Variants in WWTR1 observed in about 807,000 individuals in gnomAD.
The protein encoded by WWTR1 is WW domain-containing transcription regulator protein 1.
WWTR1 carries 13 observed loss-of-function variants against 40.1 expected under a neutral mutation model. The observed-to-expected ratio is 0.32, with a 90% confidence interval of 0.21 to 0.52. The LOEUF is 0.52. WWTR1 is among the 20% of genes least tolerant of loss of function. The probability of loss-of-function intolerance (pLI) is 0.97; values close to 1 mark genes in which losing one functional copy is unlikely to be tolerated. For missense variants in WWTR1, 436 were observed against 523.1 expected, an observed-to-expected ratio of 0.83 and a Z score of 1.63; for synonymous variants, 230 against 210.1, an observed-to-expected ratio of 1.09 and a Z score of -0.82.
intron 2 of WWTR1, among the ~76,000 whole-genome samples, chr3:149,644,538 A>G (rs1158501302): frequency 6.6e-6 from 1 of 152,140 alleles, no homozygotes; most frequent in Non-Finnish European, 1.5e-5. Flanking sequence ...GGTTACCCCG[A>G]TAAGGCTTTT....
In WWTR1 at chr3:149,709,213, A is replaced by G. The variant is rs560128506; in HGVS notation, n.585-5885T>C. Among the ~76,000 whole-genome samples, 24 of 150,764 alleles carry G rather than the reference A, an allele frequency of 1.6e-4. No homozygotes were observed. In the South Asian group the frequency reaches 3.2e-3, roughly 20 times the overall value. On this transcript the variant is annotated intron_variant and non_coding_transcript_variant, in intron 5 of 6. Coordinates refer to the WWTR1 transcript ENST00000474080. ...TGGCCTCAAATTCCTGGGCTCAAGC[A>G]GTCTGCCTGCCTCGACTTCCCAAAG...
chr3:149,680,554 A>T (rs1714424438), intron 1 of WWTR1, among the ~76,000 whole-genome samples: 1 of 128,354 alleles, frequency 7.8e-6, no homozygotes, highest in South Asian at 2.4e-4. Flanking sequence ...AAAAAAAACC[A>T]ACCAACCAAA....
intron 2 of WWTR1, among the ~76,000 whole-genome samples, chr3:149,583,755 C>T (rs1475592107): frequency 6.6e-6 from 1 of 152,142 alleles, no homozygotes; most frequent in African/African-American, 2.4e-5. Flanking sequence ...AACATGCATA[C>T]GGTGATGAGT....
At chr3:149,619,898 T>C (rs993115118) in intron 2 of WWTR1, among the ~76,000 whole-genome samples, 1 of 152,116 alleles carries the variant, frequency 6.6e-6, no homozygotes, top group Non-Finnish European at 1.5e-5. Flanking sequence ...TCTCAGGATC[T>C]CACAGATCGA....
rs545402322 is a variant in WWTR1, at chr3:149,579,817, T to C, written c.432-6817A>G. Among the ~76,000 whole-genome samples the C allele has an allele frequency of 2.6e-5, 4 of 152,360 alleles. No individual in the cohort carries two copies. In the East Asian group the frequency reaches 7.7e-4, roughly 29 times the overall value. On this transcript the variant is annotated intron_variant, in intron 2 of 6. Transcript: ENST00000360632. Reference sequence around the variant, plus strand: ...AACAAATGTACATACTGAAGACAATTAGCTTAAAATTTGCTAAATGAAACA... The same window carrying C: ...AACAAATGTACATACTGAAGACAATCAGCTTAAAATTTGCTAAATGAAACA...
chr3:149,692,059 C>T (rs545705700), intron 1 of WWTR1, among the ~76,000 whole-genome samples: 1 of 151,912 alleles, frequency 6.6e-6, no homozygotes, highest in East Asian at 1.9e-4. Flanking sequence ...ACTAATGCTA[C>T]TCACACTATT....
intron 5 of WWTR1, among the ~76,000 whole-genome samples, chr3:149,716,941 C>T (rs930352190): frequency 6.6e-6 from 1 of 152,188 alleles, no homozygotes; most frequent in Admixed American, 6.6e-5. Flanking sequence ...CTTTGGGAAG[C>T]TGAGGTGGGC....
intron 1 of WWTR1, among the ~76,000 whole-genome samples, chr3:149,699,481 T>C (rs6802474): frequency 0.17 from 25,427 of 151,924 alleles, 2,940 homozygotes; most frequent in African/African-American, 0.33. Flanking sequence ...TTAGTAGAGA[T>C]GGGGTTTCTC....
At chr3:149,720,743 T>C (rs540932158) in intron 4 of WWTR1, among the ~76,000 whole-genome samples, 2 of 152,298 alleles carry the variant, frequency 1.3e-5, no homozygotes, top group African/African-American at 4.8e-5. Context: ...AGTCTTCCAA[T>C]CCGTGAACAT....
intron 2 of WWTR1, among the ~76,000 whole-genome samples, chr3:149,620,309 A>G (rs946504922): frequency 6.6e-6 from 1 of 152,044 alleles, no homozygotes; most frequent in African/African-American, 2.4e-5. Context: ...GGACACCCCA[A>G]CCTCCATGAT....
chr3:149,537,522 A>G (rs1478281023), intron 4 of WWTR1, among the ~76,000 whole-genome samples: 1 of 152,238 alleles, frequency 6.6e-6, no homozygotes, highest in Non-Finnish European at 1.5e-5. Flanking sequence ...AGTATTTTAT[A>G]CATTCCGTAC....
chr3:149,566,190 T>C (rs1737318474), intron 3 of WWTR1, among the ~76,000 whole-genome samples: 1 of 152,120 alleles, frequency 6.6e-6, no homozygotes, highest in Non-Finnish European at 1.5e-5. Flanking sequence ...AAAATTGATT[T>C]TCTACAGTGT....
At chr3:149,621,071 C>T (rs1226032214) in intron 2 of WWTR1, among the ~76,000 whole-genome samples, 1 of 152,218 alleles carries the variant, frequency 6.6e-6, no homozygotes, top group African/African-American at 2.4e-5. Context: ...GCCGTTCTTA[C>T]TTTAGGGTCC....
At chr3:149,587,917 T>G (rs901339692) in intron 2 of WWTR1, among the ~76,000 whole-genome samples, 3 of 152,300 alleles carry the variant, frequency 2.0e-5, no homozygotes, top group African/African-American at 4.8e-5. Flanking sequence ...ATTACTAGAC[T>G]TAACTTGGTA....
intron 2 of WWTR1, among the ~76,000 whole-genome samples, chr3:149,666,880 T>C (rs1394831114): frequency 1.3e-5 from 2 of 152,208 alleles, no homozygotes; most frequent in Non-Finnish European, 2.9e-5. Context: ...GTCTTTTCCT[T>C]TAAAGAGAGG....
At chr3:149,607,019 T>C (rs1350158062) in intron 2 of WWTR1, among the ~76,000 whole-genome samples, 1 of 152,238 alleles carries the variant, frequency 6.6e-6, no homozygotes, top group Non-Finnish European at 1.5e-5. Flanking sequence ...TGGTTACGGT[T>C]ATAATACTAC....
intron 1 of WWTR1, among the ~76,000 whole-genome samples, chr3:149,680,577 C>CA (rs60718602): frequency 0.02 from 2,935 of 150,126 alleles, 58 homozygotes; most frequent in South Asian, 0.091. Flanking sequence ...AACAAACAAA[C>CA]AAAAAAACGT....
intron 2 of WWTR1, among the ~76,000 whole-genome samples, chr3:149,618,446 A>C (rs1339027121): frequency 2.6e-5 from 4 of 152,168 alleles, no homozygotes; most frequent in Non-Finnish European, 5.9e-5. Context: ...AATCCTGACA[A>C]CACCACCCAA....
chr3:149,677,860 T>C (rs190958319), intron 1 of WWTR1, among the ~76,000 whole-genome samples: 2 of 152,058 alleles, frequency 1.3e-5, no homozygotes, highest in Admixed American at 1.3e-4. Flanking sequence ...GCCTCCCAAG[T>C]TGAAGCAATT....
Sources: allele counts gnomAD v4.1 joint callset (sites outside exome capture counted in the v4.1 genomes callset), GRCh38; gene constraint gnomAD v4.1.1; transcripts MANE v1.5; gene names NCBI Gene and HGNC (gene_info 2026-07-23, HGNC 2026-07-21).